SPOCK3: variants seen among roughly 807,000 people sequenced by gnomAD.
SPOCK3 encodes testican-3.
In SPOCK3, 30 loss-of-function variants were observed where a neutral mutation model predicts 56.6. The ratio of observed to expected loss-of-function variants is 0.53; its 90% CI spans 0.40 to 0.72. The LOEUF (loss-of-function observed/expected upper bound fraction) is 0.72, where lower values mean the gene tolerates loss of function less well. SPOCK3 is among the 30% of genes least tolerant of loss of function. The pLI, the probability that SPOCK3 is intolerant of heterozygous loss-of-function variation, is 0.00. For synonymous variants in SPOCK3, 196 were observed against 183.3 expected, an observed-to-expected ratio of 1.07 and a Z score of -0.56; for missense variants, 527 against 530.0, an observed-to-expected ratio of 0.99 and a Z score of 0.06.
intron 5 of SPOCK3, among the ~76,000 whole-genome samples, chr4:166,899,321 T>G (rs569131563): frequency 6.7e-6 from 1 of 148,686 alleles, no homozygotes; most frequent in African/African-American, 2.5e-5. Context: ...GGGTTGTAAT[T>G]CTCTGGATAA....
chr4:166,825,954 G>A (rs1350473476), intron 6 of SPOCK3, among the ~76,000 whole-genome samples: 1 of 151,962 alleles, frequency 6.6e-6, no homozygotes, highest in Non-Finnish European at 1.5e-5. Context: ...TACACTGCTT[G>A]GGTGACAGGT....
At chr4:167,075,874 C>T (rs906207982) in intron 2 of SPOCK3, among the ~76,000 whole-genome samples, 15 of 151,840 alleles carry the variant, frequency 9.9e-5, no homozygotes, top group South Asian at 2.1e-4. Context: ...CATTAATCTA[C>T]GCCCATCAAG....
intron 2 of SPOCK3, among the ~76,000 whole-genome samples, chr4:167,145,786 G>A (rs1245355885): frequency 1.3e-5 from 2 of 152,216 alleles, no homozygotes; most frequent in African/African-American, 4.8e-5. Flanking sequence ...CACCAGGCAT[G>A]CCTTACAAGA....
At chr4:167,008,190 G>A (rs1225876469) in intron 3 of SPOCK3, among the ~76,000 whole-genome samples, 2 of 151,860 alleles carry the variant, frequency 1.3e-5, no homozygotes, top group Non-Finnish European at 2.9e-5. Context: ...TATATACAGA[G>A]TTGAAGGTCT....
intron 2 of SPOCK3, among the ~76,000 whole-genome samples, chr4:167,078,650 C>T (rs749554876): frequency 6.6e-6 from 1 of 151,156 alleles, no homozygotes; most frequent in Non-Finnish European, 1.5e-5. Context: ...ATAATAATAA[C>T]CCATAATCAC....
chr4:166,944,720 T>C (rs572683243), intron 4 of SPOCK3, among the ~76,000 whole-genome samples: 4 of 148,656 alleles, frequency 2.7e-5, no homozygotes, highest in African/African-American at 1.0e-4. Context: ...CATCTTCTTA[T>C]GTGGCTCATA....
At position 167,205,171 on chromosome 4, in the gene SPOCK3, A is replaced by G. The variant is rs993361572; in HGVS notation, c.189+28814T>C. 2.6e-4 allele frequency among the ~76,000 whole-genome samples: 29 copies of G among 111,400 alleles called. 2 individuals are homozygous for G. The Admixed American group carries it at 3.1e-3, about 12-fold the overall frequency. The allele number at this position is 111,400 out of a possible 152,430, so 73.1% of individuals were successfully genotyped here. A position where few individuals can be genotyped will look rare whatever the true frequency, so the allele number is the denominator to read the frequency against. On this transcript the variant is annotated intron_variant, in intron 2 of 10. Coordinates refer to ENST00000357545, the MANE Select transcript of SPOCK3 (RefSeq NM_001040159.2). ...TATATTTTATATATATATAATATATATTATATATTATAGATATTTTATATC... is the reference window on the plus strand; with the variant it reads ...TATATTTTATATATATATAATATATGTTATATATTATAGATATTTTATATC...
intron 6 of SPOCK3, among the ~76,000 whole-genome samples, chr4:166,888,576 T>A (rs1037959391): frequency 6.6e-6 from 1 of 152,058 alleles, no homozygotes; most frequent in Admixed American, 6.6e-5. Context: ...TCTAGTTGAA[T>A]GCATTTTATT....
rs1226378519 is a variant in SPOCK3 at position 166,914,251 on chromosome 4, C to T, written c.351-1508G>A. On this transcript the variant is annotated intron_variant, in intron 4 of 10. Transcript: ENST00000357545. The stretch of plus-strand genomic sequence containing the variant: ...GGATTGTAGTAAAAAAAAAATAAGA[C>T]GTATATGTCCTTTATGCTTAGGTTT... Among the ~76,000 whole-genome samples the T allele has an allele frequency of 2.6e-5, 4 of 151,936 alleles. 1 individual carries two copies. In the South Asian group the frequency reaches 8.3e-4, roughly 32 times the overall value.
intron 2 of SPOCK3, among the ~76,000 whole-genome samples, chr4:167,108,201 T>C (rs974404130): frequency 1.3e-5 from 2 of 151,910 alleles, no homozygotes; most frequent in East Asian, 3.9e-4. Context: ...CGTACACTGT[T>C]GGTGGGAATG....
At chr4:167,056,721 A>G (rs1199123525) in intron 3 of SPOCK3, among the ~76,000 whole-genome samples, 1 of 152,196 alleles carries the variant, frequency 6.6e-6, no homozygotes, top group Non-Finnish European at 1.5e-5. Flanking sequence ...TGAAGCGAGA[A>G]GGGAAGTTTA....
intron 3 of SPOCK3, among the ~76,000 whole-genome samples, chr4:167,042,019 A>C (rs1274472107): frequency 1.3e-5 from 2 of 152,216 alleles, no homozygotes; most frequent in Non-Finnish European, 2.9e-5. Flanking sequence ...ATAAAAGTAT[A>C]TTCAAAATTC....
Position 167,045,500 on chromosome 4 carries a change from A to G in SPOCK3, c.235+16992T>C, listed in dbSNP as rs181048350. Among the ~76,000 whole-genome samples, 457 of 151,864 alleles carry G rather than the reference A, an allele frequency of 3.0e-3. 3 individuals are homozygous for G. Among genetic ancestry groups the G allele is most frequent in the Middle Eastern group, 6.9e-3 (2 of 290 alleles). ...TCATTTTTTGCCTTTTGTGATTTTA[A>G]TTGAGCATTTTTTAGGATTCTATTT... On this transcript the variant is annotated intron_variant, in intron 3 of 10. Coordinates refer to ENST00000357545, the MANE Select transcript of SPOCK3 (RefSeq NM_001040159.2).
At chr4:167,052,587 A>G (rs1216600107) in intron 3 of SPOCK3, among the ~76,000 whole-genome samples, 1 of 152,152 alleles carries the variant, frequency 6.6e-6, no homozygotes, top group Non-Finnish European at 1.5e-5. Context: ...TCATCCTTGC[A>G]TGTTCCCTCC....
intron 2 of SPOCK3, among the ~76,000 whole-genome samples, chr4:167,193,181 A>G (rs1732622272): frequency 6.9e-6 from 1 of 145,612 alleles, no homozygotes; most frequent in South Asian, 2.1e-4. Context: ...TGGTTGTTCT[A>G]TAGTACCTTT....
rs554334798 is a variant in SPOCK3, at chr4:167,115,046, A to G, written c.190-52509T>C. On this transcript the variant is annotated intron_variant, in intron 2 of 10. Transcript: ENST00000357545. ...AAATTTCACCAGGGAACTGGAGCCT[A>G]TAAGAAGATTATATAGCTACGGGAA... Among the ~76,000 whole-genome samples, 7 of 152,290 alleles carry G rather than the reference A, an allele frequency of 4.6e-5. No homozygotes were observed. The East Asian group carries it at 1.3e-3, about 29-fold the overall frequency.
At chr4:166,820,792 T>A (rs565081408) in intron 6 of SPOCK3, among the ~76,000 whole-genome samples, 1 of 152,086 alleles carries the variant, frequency 6.6e-6, no homozygotes, top group East Asian at 1.9e-4. Context: ...CCACTCTGTC[T>A]GAGTGACAGA....
At chr4:166,921,499 T>C (rs1013956267) in intron 4 of SPOCK3, among the ~76,000 whole-genome samples, 2 of 152,106 alleles carry the variant, frequency 1.3e-5, no homozygotes, top group Non-Finnish European at 2.9e-5. Context: ...GTATTTTTTG[T>C]AGAGACAGGG....
chr4:167,011,160 T>C (rs373311093), intron 3 of SPOCK3: 27 of 396,114 alleles, frequency 6.8e-5, no homozygotes, highest in African/African-American at 5.6e-4. Context: ...TCTTGAGAGC[T>C]GCACCTAAAA....
Sources: allele counts gnomAD v4.1 joint callset (sites outside exome capture counted in the v4.1 genomes callset), GRCh38; gene constraint gnomAD v4.1.1; transcripts MANE v1.5; gene names NCBI Gene and HGNC (gene_info 2026-07-23, HGNC 2026-07-21).